Variants in MRTFA observed in about 807,000 individuals in gnomAD.
MRTFA encodes myocardin related transcription factor A, also known as myocardin-related transcription factor A.
A neutral mutation model predicts 83.5 loss-of-function variants in MRTFA; 20 were observed. The observed-to-expected ratio is 0.24, with a 90% confidence interval of 0.17 to 0.35. The LOEUF (loss-of-function observed/expected upper bound fraction) is 0.35. MRTFA is among the 10% of genes least tolerant of loss of function. MRTFA has a pLI of 1.00. For missense variants in MRTFA, 1,200 were observed against 1,224.7 expected (o/e 0.98, Z 0.30); for synonymous variants, 659 against 541.2 (o/e 1.22, Z -3.02).
At chr22:40,558,524 T>C (rs73169029) in intron 2 of MRTFA, among the ~76,000 whole-genome samples, 41 of 152,176 alleles carry the variant, frequency 2.7e-4, no homozygotes, top group Admixed American at 4.6e-4. Context: ...AGATTTAGCA[T>C]TTACATGTGT....
Position 40,505,827 on chromosome 22 carries a change from G to A in MRTFA, c.242-42541C>T, listed in dbSNP as rs6001944. Among the ~76,000 whole-genome samples the A allele has an allele frequency of 7.4e-3, 1,128 of 152,302 alleles. 25 individuals are homozygous for A. In the Middle Eastern group the frequency reaches 0.075, roughly 10 times the overall value. ...GACTTCTCAGCCTCTAGAACTATGA[G>A]AGATAAATTTCTGTTCTTAATAAAT... On this transcript the variant is annotated intron_variant, in intron 3 of 14. Transcript: ENST00000355630.
intron 3 of MRTFA, among the ~76,000 whole-genome samples, chr22:40,471,428 C>T (rs1265372377): frequency 2.6e-5 from 4 of 151,584 alleles, no homozygotes; most frequent in African/African-American, 9.7e-5. Flanking sequence ...AAAAGAAATG[C>T]AATGGTCAAA....
chr22:40,576,716 T>C (rs991358349), intron 2 of MRTFA, among the ~76,000 whole-genome samples: 3 of 152,206 alleles, frequency 2.0e-5, no homozygotes, highest in Non-Finnish European at 4.4e-5. Flanking sequence ...TCTTTAAAAA[T>C]ACAAAACAGC....
intron 3 of MRTFA, among the ~76,000 whole-genome samples, chr22:40,507,822 G>T (rs1019891354): frequency 2.0e-5 from 3 of 151,446 alleles, no homozygotes; most frequent in Non-Finnish European, 4.4e-5. Flanking sequence ...AATTATCCAG[G>T]CATGGTGACA....
chr22:40,620,781 C>T (rs2056513668), intron 1 of MRTFA, among the ~76,000 whole-genome samples: 1 of 151,952 alleles, frequency 6.6e-6, no homozygotes, highest in Non-Finnish European at 1.5e-5. Context: ...TGTCTAATGA[C>T]AAGAACCCCC....
intron 3 of MRTFA, among the ~76,000 whole-genome samples, chr22:40,528,540 C>T (rs551091006): frequency 6.6e-6 from 1 of 151,840 alleles, no homozygotes; most frequent in Admixed American, 6.6e-5. Context: ...GAATTCGAGA[C>T]CAGCCTGACC....
At chr22:40,536,528 C>G (rs1259906113) in intron 3 of MRTFA, among the ~76,000 whole-genome samples, 10 of 125,950 alleles carry the variant, frequency 7.9e-5, no homozygotes, top group Non-Finnish European at 1.7e-4. Context: ...GCCGCCACCC[C>G]GTCTGGGAAG....
chr22:40,435,936 C>CAAA (rs201938817), intron 4 of MRTFA, among the ~76,000 whole-genome samples: 12 of 106,776 alleles, frequency 1.1e-4, no homozygotes, highest in African/African-American at 3.7e-4. Context: ...AACCGTCCCC[C>CAAA]AAAAAAAAAA....
intron 3 of MRTFA, among the ~76,000 whole-genome samples, chr22:40,492,312 G>A (rs1163853507): frequency 6.6e-6 from 1 of 152,170 alleles, no homozygotes; most frequent in Non-Finnish European, 1.5e-5. Flanking sequence ...TAGGGAGTGG[G>A]GCATTAAAAG....
At chr22:40,508,770 C>A (rs1602357683) in intron 3 of MRTFA, among the ~76,000 whole-genome samples, 1 of 147,256 alleles carries the variant, frequency 6.8e-6, no homozygotes, top group Admixed American at 6.9e-5. Flanking sequence ...GTAATCCCAA[C>A]AATTTTGGAG....
intron 1 of MRTFA, among the ~76,000 whole-genome samples, chr22:40,613,309 GT>G (rs1240944949): frequency 6.6e-6 from 1 of 152,036 alleles, no homozygotes; most frequent in Non-Finnish European, 1.5e-5. Flanking sequence ...CATTCACATG[GT>G]TTTTTGTTGA....
At chr22:40,427,215 T>A (rs2052972766) in intron 7 of MRTFA, among the ~76,000 whole-genome samples, 1 of 152,118 alleles carries the variant, frequency 6.6e-6, no homozygotes, top group Non-Finnish European at 1.5e-5. Flanking sequence ...TAGGGGCTGC[T>A]GAGGAATACA....
Position 40,419,255 on chromosome 22 carries a change from C to A in MRTFA, c.1483G>T (p.Ala495Ser), listed in dbSNP as rs2052772373. The change falls in exon 12 of 15, where the codon GCC (alanine) becomes TCC (serine). Residue 495 changes from alanine to serine, a missense_variant. By Grantham distance (99) the Ala-to-Ser change is moderately conservative. Transcript: ENST00000355630. ...GCCTTGTGCAGGATAGAGGTGGCGG[C>A]AGGGGCCTTGGGGGCTCCTGGCACA... 1 of 1,612,570 alleles carries A rather than the reference C, an allele frequency of 6.2e-7. No homozygotes were observed. Among genetic ancestry groups the A allele is most frequent in the Non-Finnish European group, 8.5e-7 (1 of 1,179,464 alleles).
intron 2 of MRTFA, among the ~76,000 whole-genome samples, chr22:40,593,943 G>A (rs1018178438): frequency 6.6e-6 from 1 of 152,224 alleles, no homozygotes; most frequent in Non-Finnish European, 1.5e-5. Context: ...AGAACTACAT[G>A]AACTAGCAGT....
chr22:40,501,055 G>C (rs1191180392), intron 3 of MRTFA, among the ~76,000 whole-genome samples: 1 of 118,174 alleles, frequency 8.5e-6, no homozygotes, highest in African/African-American at 3.6e-5. Context: ...GGACGGGGCG[G>C]CTGGCCGGGC....
At chr22:40,588,402 G>A (rs1457013299) in intron 2 of MRTFA, among the ~76,000 whole-genome samples, 2 of 152,162 alleles carry the variant, frequency 1.3e-5, no homozygotes, top group Non-Finnish European at 2.9e-5. Context: ...TCACAACAGT[G>A]ACGCTATTGG....
chr22:40,631,051 AG>A (rs1412237763), intron 1 of MRTFA, among the ~76,000 whole-genome samples: 10 of 152,204 alleles, frequency 6.6e-5, no homozygotes, highest in Admixed American at 3.3e-4. Flanking sequence ...CAAGATGGTA[AG>A]AGACACCCTT....
In MRTFA at chr22:40,418,522, T is replaced by A. The variant is rs756146558; in HGVS notation, c.2216A>T (p.Gln739Leu). Reference sequence around the variant, plus strand: ...GGGGCCCTGAGGCCCCAGAAGCAACTGGGGGGCGGGGACCGGCTCGGGCTC... The same window carrying A: ...GGGGCCCTGAGGCCCCAGAAGCAACAGGGGGGCGGGGACCGGCTCGGGCTC... Residue 739 changes from glutamine (Q) to leucine (L), a missense_variant, in exon 12 of 15, where the codon CAG becomes CTG. Coordinates refer to ENST00000355630, the MANE Select transcript of MRTFA (RefSeq NM_020831.6). 12 of 1,590,686 alleles carry A rather than the reference T, an allele frequency of 7.5e-6. No homozygotes were observed. The South Asian group carries it at 1.4e-4, about 18-fold the overall frequency.
chr22:40,420,209 T>C (rs2052799506), intron 11 of MRTFA, among the ~76,000 whole-genome samples, 196 bp downstream of exon 11: 1 of 152,214 alleles, frequency 6.6e-6, no homozygotes, highest in South Asian at 2.1e-4. Context: ...TCATTCACCA[T>C]GACCACCTCC....
Sources: gnomAD v4.1 joint callset for allele counts (sites outside exome capture counted in the v4.1 genomes callset) on GRCh38, gnomAD v4.1.1 for gene constraint, MANE v1.5 for transcripts, NCBI Gene and HGNC (gene_info 2026-07-23, HGNC 2026-07-21) for gene names.